NCK1: variants seen among roughly 807,000 people sequenced by gnomAD.
NCK1 encodes SH2/SH3 adapter protein NCK1.
Under a neutral mutation model 36.6 loss-of-function variants are expected in NCK1, and 19 were observed. The observed-to-expected ratio is 0.52, with a 90% CI of 0.36 to 0.76. The LOEUF (loss-of-function observed/expected upper bound fraction) is 0.76. Among genes scored for constraint, NCK1 ranks in the 30% least tolerant of loss-of-function variants. The pLI is 0.00. For missense variants in NCK1, 358 were observed against 445.6 expected, an observed-to-expected ratio of 0.80 and a Z score of 1.77; for synonymous variants, 165 against 156.0, an observed-to-expected ratio of 1.06 and a Z score of -0.43.
At chr3:136,922,394 G>T (rs1940136083) in intron 1 of NCK1, among the ~76,000 whole-genome samples, 2 of 152,172 alleles carry the variant, frequency 1.3e-5, no homozygotes, top group Non-Finnish European at 2.9e-5. Context: ...TAAGGTAACT[G>T]CTCTAAATGG....
intron 1 of NCK1, among the ~76,000 whole-genome samples, 180 bp from the exon 2 acceptor site, chr3:136,927,804 C>T (rs1940282793): frequency 6.6e-6 from 1 of 152,226 alleles, no homozygotes; most frequent in Non-Finnish European, 1.5e-5. Flanking sequence ...CAGGCATGAG[C>T]CACTGCGCAC....
chr3:136,892,572 T>G (rs1939277128), intron 1 of NCK1, among the ~76,000 whole-genome samples: 1 of 152,238 alleles, frequency 6.6e-6, no homozygotes, highest in Non-Finnish European at 1.5e-5. Context: ...AAAGAACAGA[T>G]TCTTCTCTAG....
In NCK1 at chr3:136,944,212, A is replaced by G. The variant is rs534545236; in HGVS notation, c.227-1371A>G. Among the ~76,000 whole-genome samples the G allele has an allele frequency of 6.3e-5, 9 of 142,354 alleles. No individual in the cohort carries two copies. In the South Asian group the frequency reaches 2.0e-3, roughly 32 times the overall value. 93.4% of individuals were successfully genotyped at this position (142,354 alleles called of 152,430 possible). A position where few individuals can be genotyped will look rare whatever the true frequency, so the allele number is the denominator to read the frequency against. On this transcript the variant is annotated intron_variant, in intron 2 of 3. Coordinates refer to ENST00000481752, the MANE Select transcript of NCK1 (RefSeq NM_001291999.2). Reference sequence around the variant, plus strand: ...TGGCTCACTGCAACCTCCGCCTGCCAGGTTCAAACGATTCTCCTGCCTCAG... The same window carrying G: ...TGGCTCACTGCAACCTCCGCCTGCCGGGTTCAAACGATTCTCCTGCCTCAG...
intron 1 of NCK1, among the ~76,000 whole-genome samples, chr3:136,914,491 G>A (rs566944632): frequency 2.0e-5 from 3 of 152,256 alleles, no homozygotes; most frequent in African/African-American, 7.2e-5. Flanking sequence ...TTTCTCCCCA[G>A]AATCCTCTAA....
At chr3:136,924,599 T>C (rs1940192533) in intron 1 of NCK1, among the ~76,000 whole-genome samples, 1 of 152,250 alleles carries the variant, frequency 6.6e-6, no homozygotes, top group African/African-American at 2.4e-5. Context: ...AAGGAACACC[T>C]TTTCAAAATG....
rs905481105 is a variant in NCK1 at position 136,888,832 on chromosome 3, G to C, written c.-19+26479G>C. 2.0e-5 allele frequency among the ~76,000 whole-genome samples: 3 copies of C among 151,732 alleles called. No homozygotes were observed. In the South Asian group the frequency reaches 6.2e-4, roughly 32 times the overall value. On this transcript the variant is annotated intron_variant, in intron 1 of 3. Coordinates refer to ENST00000481752, the MANE Select transcript of NCK1 (RefSeq NM_001291999.2). ...ATATAGTATGTGGTCCTTTGTAACC[G>C]CTTTCTTTCACTTAGTTCAATGTTT...
intron 2 of NCK1, among the ~76,000 whole-genome samples, chr3:136,939,614 T>A (rs1940617997): frequency 6.6e-6 from 1 of 152,102 alleles, no homozygotes; most frequent in South Asian, 2.1e-4. Context: ...AGCATTGCCT[T>A]TGCTGCCTCC....
At chr3:136,906,709 G>A (rs1012332143) in intron 1 of NCK1, among the ~76,000 whole-genome samples, 4 of 152,170 alleles carry the variant, frequency 2.6e-5, no homozygotes, top group African/African-American at 7.2e-5. Flanking sequence ...TGTCTGTGCT[G>A]GTGTAGGCAG....
intron 1 of NCK1, among the ~76,000 whole-genome samples, chr3:136,923,147 A>G (rs1483742015): frequency 2.0e-5 from 3 of 151,732 alleles, no homozygotes; most frequent in South Asian, 2.1e-4. Context: ...GTGTGTGTGT[A>G]TGTTTTGTTG....
At chr3:136,930,599 G>GT in intron 2 of NCK1, 2 of 1,463,068 alleles carry the variant, frequency 1.4e-6, no homozygotes, top group South Asian at 2.7e-5. Context: ...TTTTCAGTAA[G>GT]TTAATCTGTT....
chr3:136,885,603 C>T (rs973793538), intron 1 of NCK1, among the ~76,000 whole-genome samples: 2 of 152,162 alleles, frequency 1.3e-5, no homozygotes, highest in African/African-American at 2.4e-5. Context: ...CAGCACCCAG[C>T]GTACTTAAAC....
intron 2 of NCK1, among the ~76,000 whole-genome samples, chr3:136,939,037 T>G (rs1940604569): frequency 6.6e-6 from 1 of 152,204 alleles, no homozygotes; most frequent in Non-Finnish European, 1.5e-5. Context: ...TTTAGAGATG[T>G]TTTAGAAGCA....
rs1484480725 is a variant in NCK1, at chr3:136,948,290, A to C, written c.971A>C (p.Gln324Pro). The C allele has an allele frequency of 1.2e-6, 2 of 1,605,960 alleles. No homozygotes were observed. Among genetic ancestry groups the C allele is most frequent in the Non-Finnish European group, 8.5e-7 (1 of 1,176,488 alleles). Residue 324 changes from glutamine (Q) to proline (P), a missense_variant, in exon 4 of 4, where the codon CAA becomes CCA. Gln to Pro is a moderately conservative substitution (Grantham distance 76). This residue lies in a region of NCK1 where 207 missense variants were observed against 253.4 expected (regional missense o/e 0.82). Coordinates refer to ENST00000481752, the MANE Select transcript of NCK1 (RefSeq NM_001291999.2). ...PNDFSVSLKA[Q>P]GKNKHFKVQL... Reference sequence around the variant, plus strand: ...GATTTCTCAGTATCACTAAAAGCACAAGGGAAAAACAAGCATTTTAAAGTC... The same window carrying C: ...GATTTCTCAGTATCACTAAAAGCACCAGGGAAAAACAAGCATTTTAAAGTC...
In NCK1 at chr3:136,877,812, A is replaced by G. The variant is rs539827534; in HGVS notation, c.-19+15459A>G. Reference sequence around the variant, plus strand: ...GGCTCAGGAATTGGCAGCATCAGGTATTTTTGGCAGGGAGGAGGTGAGGGT... The same window carrying G: ...GGCTCAGGAATTGGCAGCATCAGGTGTTTTTGGCAGGGAGGAGGTGAGGGT... On this transcript the variant is annotated intron_variant, in intron 1 of 3. Coordinates refer to ENST00000481752, the MANE Select transcript of NCK1 (RefSeq NM_001291999.2). Among the ~76,000 whole-genome samples, 92 of 152,212 alleles carry G rather than the reference A, an allele frequency of 6.0e-4. 1 individual carries two copies. Among genetic ancestry groups the G allele is most frequent in the Non-Finnish European group, 1.2e-3 (80 of 68,022 alleles).
At chr3:136,918,469 C>T (rs1375688775) in intron 1 of NCK1, among the ~76,000 whole-genome samples, 1 of 152,134 alleles carries the variant, frequency 6.6e-6, no homozygotes, top group African/African-American at 2.4e-5. Flanking sequence ...GGAGGTTGTG[C>T]ATAGGTTATG....
intron 2 of NCK1, among the ~76,000 whole-genome samples, chr3:136,945,309 T>C (rs1940782306): frequency 2.6e-5 from 4 of 152,212 alleles, no homozygotes; most frequent in Admixed American, 2.6e-4. Context: ...GACAACTTTA[T>C]AATTATGTTA....
intron 2 of NCK1, among the ~76,000 whole-genome samples, chr3:136,941,073 CT>C (rs1298848749): frequency 2.1e-5 from 3 of 145,796 alleles, no homozygotes; most frequent in Non-Finnish European, 4.5e-5. Flanking sequence ...ACTTTTTTTT[CT>C]TTCAATTCTT....
chr3:136,874,519 C>T (rs1019032238), intron 1 of NCK1, among the ~76,000 whole-genome samples: 2 of 152,310 alleles, frequency 1.3e-5, no homozygotes, highest in South Asian at 4.1e-4. Context: ...CTCATTTCTC[C>T]TGGCTGTATA....
chr3:136,871,898 T>G (rs1938631774), intron 1 of NCK1, among the ~76,000 whole-genome samples: 1 of 152,206 alleles, frequency 6.6e-6, no homozygotes, highest in Admixed American at 6.5e-5. Context: ...AAGACATGCC[T>G]TTAACCTTGT....
Sources: allele counts gnomAD v4.1 joint callset (sites outside exome capture counted in the v4.1 genomes callset), GRCh38; gene constraint gnomAD v4.1.1; regional missense constraint gnomAD v4.1.1; transcripts MANE v1.5; gene names NCBI Gene and HGNC (gene_info 2026-07-23, HGNC 2026-07-21).